The following MARCHF3 variants were observed in gnomAD, a reference collection of about 807,000 sequenced individuals.
The protein encoded by MARCHF3 is E3 ubiquitin-protein ligase MARCHF3.
A neutral mutation model predicts 24.2 loss-of-function variants in MARCHF3; 13 were observed. That is an observed-to-expected ratio of 0.54 (90% CI 0.35 to 0.85). The LOEUF (loss-of-function observed/expected upper bound fraction) is 0.85. Among genes scored for constraint, MARCHF3 ranks in the 40% least tolerant of loss-of-function variants. The pLI, the probability that MARCHF3 is intolerant of heterozygous loss-of-function variation, is 0.01. For synonymous variants in MARCHF3, 144 were observed against 137.3 expected, an observed-to-expected ratio of 1.05 and a Z score of -0.34; for missense variants, 276 against 325.0, an observed-to-expected ratio of 0.85 and a Z score of 1.16.
At chr5:126,879,460 T>C (rs904466170) in intron 3 of MARCHF3, among the ~76,000 whole-genome samples, 6 of 152,226 alleles carry the variant, frequency 3.9e-5, no homozygotes, top group Non-Finnish European at 8.8e-5. Flanking sequence ...GGACCACCTC[T>C]GACATCTTGA....
At chr5:126,913,932 C>T (rs1177138478) in intron 3 of MARCHF3, among the ~76,000 whole-genome samples, 5 of 149,466 alleles carry the variant, frequency 3.3e-5, no homozygotes, top group Non-Finnish European at 7.4e-5. Context: ...TCAGCTAGCT[C>T]TGGCTTATAA....
rs543918464 is a variant in MARCHF3 at position 126,905,559 on chromosome 5, T to G, written c.393+9371A>C. 2.6e-4 allele frequency among the ~76,000 whole-genome samples: 39 copies of G among 151,934 alleles called. No homozygotes were observed. In the South Asian group the frequency reaches 7.7e-3, roughly 30 times the overall value. ...CCTTATAAGTTGGATTCCTAGGTAT[T>G]TTATTCTCTTTGAAGCAATTGTGAA... On this transcript the variant is annotated intron_variant, in intron 3 of 4. Coordinates refer to ENST00000308660, the MANE Select transcript of MARCHF3 (RefSeq NM_178450.5).
At chr5:126,991,721 A>G (rs76281163) in intron 1 of MARCHF3, among the ~76,000 whole-genome samples, 1 of 128,666 alleles carries the variant, frequency 7.8e-6, no homozygotes, top group Non-Finnish European at 1.6e-5. Flanking sequence ...ATTCTATTTC[A>G]AAAAAAAAAA....
intron 3 of MARCHF3, among the ~76,000 whole-genome samples, chr5:126,913,254 C>G (rs557961930): frequency 6.6e-6 from 1 of 152,274 alleles, no homozygotes; most frequent in South Asian, 2.1e-4. Context: ...ACTGGGGAAA[C>G]GCTAGTTAAA....
chr5:126,983,822 A>G (rs57833976), intron 1 of MARCHF3, among the ~76,000 whole-genome samples: 11,442 of 152,218 alleles, frequency 0.075, 932 homozygotes, highest in African/African-American at 0.19. Context: ...CCAAAGGAGA[A>G]CATGGGAAGT....
intron 1 of MARCHF3, among the ~76,000 whole-genome samples, chr5:126,959,685 T>C (rs972172017): frequency 6.6e-6 from 1 of 152,142 alleles, no homozygotes; most frequent in Non-Finnish European, 1.5e-5. Flanking sequence ...TGTAATATCT[T>C]AGCAATTTTT....
At chr5:126,981,695 T>A (rs1370146384) in intron 1 of MARCHF3, among the ~76,000 whole-genome samples, 3 of 152,360 alleles carry the variant, frequency 2.0e-5, no homozygotes, top group East Asian at 1.9e-4. Context: ...CCTCTCACTA[T>A]ACCAGCAAAT....
chr5:126,923,185 T>C (rs535950021), intron 1 of MARCHF3, among the ~76,000 whole-genome samples: 2 of 152,248 alleles, frequency 1.3e-5, no homozygotes, highest in East Asian at 1.9e-4. Flanking sequence ...CAAAGATATA[T>C]GAGGAAAAGC....
chr5:126,954,698 G>C (rs1580678087), intron 1 of MARCHF3, among the ~76,000 whole-genome samples: 1 of 142,212 alleles, frequency 7.0e-6, no homozygotes, highest in South Asian at 2.3e-4. Flanking sequence ...TTTTTTTTAA[G>C]TTTAATAAAT....
intron 1 of MARCHF3, among the ~76,000 whole-genome samples, chr5:126,979,306 T>TACAA (rs1447403147): frequency 6.6e-6 from 1 of 152,210 alleles, no homozygotes; most frequent in Admixed American, 6.5e-5. Flanking sequence ...GGCAAACATC[T>TACAA]GGTACTTAAC....
In MARCHF3 at chr5:126,915,072, A is replaced by T. The variant is rs768705415; in HGVS notation, c.251T>A (p.Leu84His). Residue 84 changes from leucine (L) to histidine (H), a missense_variant, in exon 3 of 5, where the codon CTC (leucine) becomes CAC (histidine). Transcript: ENST00000308660. Reference sequence around the variant, plus strand: ...GGTCCCTGTACATTCACATGGAGAGAGCAAGTCCTCTTGGCTGCTGCCCTC... The same window carrying T: ...GGTCCCTGTACATTCACATGGAGAGTGCAAGTCCTCTTGGCTGCTGCCCTC... ...CHEGSSQEDL[L>H]SPCECTGTLG... 6.2e-7 allele frequency: 1 copy of T among 1,614,154 alleles called. No individual in the cohort carries two copies. Among genetic ancestry groups the T allele is most frequent in the Admixed American group, 1.7e-5 (1 of 60,022 alleles).
chr5:126,940,213 A>T (rs1201049199), intron 1 of MARCHF3, among the ~76,000 whole-genome samples: 1 of 152,180 alleles, frequency 6.6e-6, no homozygotes, highest in African/African-American at 2.4e-5. Flanking sequence ...TGCTTCAAGT[A>T]TTGATTTTGG....
At chr5:126,929,318 T>C (rs1036924789) in intron 1 of MARCHF3, among the ~76,000 whole-genome samples, 3 of 152,220 alleles carry the variant, frequency 2.0e-5, no homozygotes, top group African/African-American at 7.2e-5. Context: ...TCATAGATGG[T>C]ACTGTCTACT....
chr5:126,975,253 C>G (rs1273196460), intron 1 of MARCHF3, among the ~76,000 whole-genome samples: 1 of 152,168 alleles, frequency 6.6e-6, no homozygotes, highest in Non-Finnish European at 1.5e-5. Context: ...CTGGGCCTGG[C>G]TGAAGTGGGA....
chr5:126,963,211 T>C (rs1465514680), intron 1 of MARCHF3, among the ~76,000 whole-genome samples: 2 of 152,198 alleles, frequency 1.3e-5, no homozygotes, highest in Non-Finnish European at 2.9e-5. Flanking sequence ...ATGACCAGTC[T>C]TATAGTTTGT....
chr5:126,942,283 T>C (rs986147123), intron 1 of MARCHF3, among the ~76,000 whole-genome samples: 7 of 152,214 alleles, frequency 4.6e-5, no homozygotes, highest in Non-Finnish European at 7.3e-5. Flanking sequence ...GTAAATATTT[T>C]AGGCTTGGCA....
chr5:126,944,431 C>T (rs188791413), intron 1 of MARCHF3, among the ~76,000 whole-genome samples: 3 of 152,190 alleles, frequency 2.0e-5, no homozygotes, highest in Non-Finnish European at 2.9e-5. Context: ...AAAACCATCT[C>T]TACCAAAAAA....
At chr5:127,022,774 C>T (rs976659574) in intron 1 of MARCHF3, among the ~76,000 whole-genome samples, 5 of 152,206 alleles carry the variant, frequency 3.3e-5, no homozygotes, top group African/African-American at 1.2e-4. Flanking sequence ...TGCTCATCTT[C>T]TATGTGGGCT....
At chr5:126,893,045 C>A (rs978537383) in intron 3 of MARCHF3, among the ~76,000 whole-genome samples, 12 of 151,848 alleles carry the variant, frequency 7.9e-5, no homozygotes, top group African/African-American at 2.4e-4. Flanking sequence ...GGAATTTATC[C>A]ATTTCTTCTA....
Sources: gnomAD v4.1 joint callset for allele counts (sites outside exome capture counted in the v4.1 genomes callset) on GRCh38, gnomAD v4.1.1 for gene constraint, MANE v1.5 for transcripts, NCBI Gene and HGNC (gene_info 2026-07-23, HGNC 2026-07-21) for gene names.